RPAP2: variants seen among roughly 807,000 people sequenced by gnomAD.
The protein encoded by RPAP2 is RNA polymerase II associated protein 2.
RPAP2 carries 52 observed loss-of-function variants against 73.1 expected under a neutral mutation model. The ratio of observed to expected loss-of-function variants is 0.71; its 90% CI spans 0.57 to 0.90. RPAP2 has a LOEUF of 0.90. Ranked by LOEUF, RPAP2 falls within the 40% of genes least tolerant of loss-of-function variation. The pLI, the probability that RPAP2 is intolerant of heterozygous loss-of-function variation, is 0.00. For synonymous variants in RPAP2, 225 were observed against 242.1 expected (o/e 0.93, Z 0.65); for missense variants, 598 against 701.8 (o/e 0.85, Z 1.67).
At chr1:92,314,953 G>A (rs953140153) in intron 6 of RPAP2, among the ~76,000 whole-genome samples, 1 of 151,970 alleles carries the variant, frequency 6.6e-6, no homozygotes, top group African/African-American at 2.4e-5. Context: ...GCTGAGGTGC[G>A]AGAATCTCTT....
In RPAP2 at chr1:92,372,542, T is replaced by C. The variant is rs189981447; in HGVS notation, c.1689-8182T>C. 3.2e-4 allele frequency among the ~76,000 whole-genome samples: 48 copies of C among 152,268 alleles called. No homozygotes were observed. In the East Asian group the frequency reaches 8.9e-3, roughly 28 times the overall value. On this transcript the variant is annotated intron_variant, in intron 11 of 12. Transcript: ENST00000610020. Reference sequence around the variant, plus strand: ...CACCTCACTGATGGATGTTTTGAAATATTCTGGCAGGAAGATGCAGAATGT... The same window carrying C: ...CACCTCACTGATGGATGTTTTGAAACATTCTGGCAGGAAGATGCAGAATGT...
Position 92,390,409 on chromosome 1 carries a change from AG to A in RPAP2, c.*3400del, listed in dbSNP as rs1173937439. The A allele has an allele frequency of 1.3e-5, 2 of 152,244 alleles. No individual in the cohort carries two copies. The highest frequency in any genetic ancestry group is 2.4e-5 in the African/African-American group (1 of 41,460). 9.4% of individuals were successfully genotyped at this position (152,244 alleles called of 1,614,324 possible). A position where few individuals can be genotyped will look rare whatever the true frequency, so the allele number is the denominator to read the frequency against. ...TCCTGAAGTAAGCACTAAAATGGACAGGAACAACCAGTACCAGCCACTGCAA... is the reference window on the plus strand; with the variant it reads ...TCCTGAAGTAAGCACTAAAATGGACAGAACAACCAGTACCAGCCACTGCAA... On this transcript the variant is annotated 3_prime_UTR_variant, in exon 13 of 13. Coordinates refer to ENST00000610020, the MANE Select transcript of RPAP2 (RefSeq NM_024813.3).
At chr1:92,345,285 G>A (rs1361549777) in intron 10 of RPAP2, among the ~76,000 whole-genome samples, 1 of 150,054 alleles carries the variant, frequency 6.7e-6, no homozygotes, top group Non-Finnish European at 1.5e-5. Flanking sequence ...AGGATCTCTT[G>A]AGCCCAGGAA....
intron 6 of RPAP2, among the ~76,000 whole-genome samples, chr1:92,307,708 A>C (rs1359884995): frequency 7.1e-6 from 1 of 141,424 alleles, no homozygotes; most frequent in African/African-American, 2.7e-5. Context: ...ATCAATTTAA[A>C]GACACAATTA....
intron 6 of RPAP2, among the ~76,000 whole-genome samples, chr1:92,314,030 G>T (rs2101137941): frequency 6.6e-6 from 1 of 152,316 alleles, no homozygotes; most frequent in African/African-American, 2.4e-5. Context: ...GAATGTTGTA[G>T]CTGGTTTAAC....
chr1:92,350,383 A>C (rs888112889), intron 11 of RPAP2, among the ~76,000 whole-genome samples: 1 of 152,186 alleles, frequency 6.6e-6, no homozygotes, highest in African/African-American at 2.4e-5. Context: ...TTTTTAGAAG[A>C]ACTCATTAGA....
At chr1:92,356,814 G>A (rs887200279) in intron 11 of RPAP2, among the ~76,000 whole-genome samples, 1 of 151,684 alleles carries the variant, frequency 6.6e-6, no homozygotes, top group Non-Finnish European at 1.5e-5. Context: ...TGTAATCCCA[G>A]CACTTTGGGA....
At chr1:92,340,729 T>C (rs1247436383) in intron 10 of RPAP2, among the ~76,000 whole-genome samples, 2 of 152,200 alleles carry the variant, frequency 1.3e-5, no homozygotes, top group Admixed American at 6.5e-5. Flanking sequence ...TTTTCGGCTC[T>C]ATGAGAATTT....
rs1325055928 is a variant in RPAP2, at chr1:92,304,295, G to A, written c.345G>A (p.Gln115=). Reference sequence around the variant, plus strand: ...TTTCTTTTCTTTAGGTACCAAAACAGAAATATAAAATTTCTACCAAAACCA... The same window carrying A: ...TTTCTTTTCTTTAGGTACCAAAACAAAAATATAAAATTTCTACCAAAACCA... The part of the protein sequence containing the change: ...CQKKLGIVPK[Q]KYKISTKTNK... The change falls in exon 5 of 13, where the codon CAG becomes CAA. Residue 115 remains glutamine (Q), a synonymous_variant. Transcript: ENST00000610020. 6.7e-7 allele frequency: 1 copy of A among 1,487,930 alleles called. No individual in the cohort carries two copies. Among genetic ancestry groups the A allele is most frequent in the African/African-American group, 1.4e-5 (1 of 71,456 alleles). The allele number at this position is 1,487,930 out of a possible 1,614,324, so 92.2% of individuals were successfully genotyped here.
rs1187635694 is a variant in RPAP2, at chr1:92,388,516, C to G, written c.*1505C>G. The G allele has an allele frequency of 6.6e-6, 1 of 152,328 alleles. No individual in the cohort carries two copies. The highest frequency in any genetic ancestry group is 1.9e-4 in the East Asian group (1 of 5,194). The allele number at this position is 152,328 out of a possible 1,614,324, so 9.4% of individuals were successfully genotyped here. A position where few individuals can be genotyped will look rare whatever the true frequency, so the allele number is the denominator to read the frequency against. ...ACCTGGTTCGTCTCACTGGGACTGG[C>G]TGGACAGTGGGTGTAGCCCACAGAG... On this transcript the variant is annotated 3_prime_UTR_variant, in exon 13 of 13. Transcript: ENST00000610020.
At chr1:92,321,926 G>T (rs1383661417) in intron 7 of RPAP2, among the ~76,000 whole-genome samples, 1 of 138,394 alleles carries the variant, frequency 7.2e-6, no homozygotes, top group Admixed American at 7.3e-5. Flanking sequence ...TTAAGAAACC[G>T]ATAATGAAAT....
At chr1:92,340,913 T>C (rs1201973772) in intron 10 of RPAP2, among the ~76,000 whole-genome samples, 1 of 152,236 alleles carries the variant, frequency 6.6e-6, no homozygotes, top group African/African-American at 2.4e-5. Flanking sequence ...AATTAAAATT[T>C]ATTTTTACAC....
intron 6 of RPAP2, among the ~76,000 whole-genome samples, chr1:92,317,576 T>G (rs897227754): frequency 2.6e-5 from 4 of 152,178 alleles, no homozygotes; most frequent in Admixed American, 2.0e-4. Context: ...TAAAACCATC[T>G]AGCAGACAAT....
Position 92,300,243 on chromosome 1 carries a change from T to C in RPAP2, c.119+4T>C, listed in dbSNP as rs774941318. 23 of 1,605,498 alleles carry C rather than the reference T, an allele frequency of 1.4e-5. 1 individual carries two copies. In the South Asian group the frequency reaches 2.5e-4, roughly 18 times the overall value. On this transcript the variant is annotated splice_donor_region_variant and intron_variant, in intron 2 of 12. Transcript: ENST00000610020. The stretch of plus-strand genomic sequence containing the variant: ...AACAAGAAGATGCTTCTAAAAGGTA[T>C]GACAGCTACATGGACAACTACATTG...
At chr1:92,343,343 A>T (rs1286518863) in intron 10 of RPAP2, among the ~76,000 whole-genome samples, 1 of 152,162 alleles carries the variant, frequency 6.6e-6, no homozygotes, top group Non-Finnish European at 1.5e-5. Context: ...GGGTGATATT[A>T]TTGTCCTTAT....
In RPAP2 at chr1:92,400,000, A is replaced by G. The variant is rs1456856563; in HGVS notation, c.*12989A>G. ...AAATATCTCACTTTAAAAAAAGCAC[A>G]AACTAAGACTCAATGAGGTTTATCT... On this transcript the variant is annotated 3_prime_UTR_variant, in exon 13 of 13. Transcript: ENST00000610020. The G allele has an allele frequency of 1.3e-5, 2 of 152,224 alleles. No individual in the cohort carries two copies. Among genetic ancestry groups the G allele is most frequent in the African/African-American group, 4.8e-5 (2 of 41,456 alleles). The allele number at this position is 152,224 out of a possible 1,614,324, so 9.4% of individuals were successfully genotyped here. A position where few individuals can be genotyped will look rare whatever the true frequency, so the allele number is the denominator to read the frequency against.
At chr1:92,350,630 T>C (rs1471086723) in intron 11 of RPAP2, among the ~76,000 whole-genome samples, 3 of 152,248 alleles carry the variant, frequency 2.0e-5, no homozygotes, top group Non-Finnish European at 2.9e-5. Context: ...TAAAAATGTA[T>C]ATAAGTATAT....
chr1:92,356,658 C>T (rs1026767965), intron 11 of RPAP2, among the ~76,000 whole-genome samples: 20 of 149,524 alleles, frequency 1.3e-4, no homozygotes, highest in Non-Finnish European at 2.7e-4. Flanking sequence ...TGGTCTCGAA[C>T]TCCTGGCCTC....
rs1656038982 is a variant in RPAP2, at chr1:92,391,467, A to G, written c.*4456A>G. ...AATCAACACCCTAACATCACAATTA[A>G]AAGAACTAGAGAAGCAAGACCAAAC... On this transcript the variant is annotated 3_prime_UTR_variant, in exon 13 of 13. Transcript: ENST00000610020. 6.6e-6 allele frequency: 1 copy of G among 152,240 alleles called. No homozygotes were observed. The highest frequency in any genetic ancestry group is 1.5e-5 in the Non-Finnish European group (1 of 68,044). 9.4% of individuals were successfully genotyped at this position (152,240 alleles called of 1,614,324 possible).
Sources: allele counts gnomAD v4.1 joint callset (sites outside exome capture counted in the v4.1 genomes callset), GRCh38; gene constraint gnomAD v4.1.1; transcripts MANE v1.5; gene names NCBI Gene and HGNC (gene_info 2026-07-23, HGNC 2026-07-21).